TRIO: variants seen among roughly 807,000 people sequenced by gnomAD.
The protein encoded by TRIO is trio Rho guanine nucleotide exchange factor.
In TRIO, 58 loss-of-function variants were observed where a neutral mutation model predicts 351.9. The ratio of observed to expected loss-of-function variants is 0.16; its 90% CI spans 0.13 to 0.21. The LOEUF (loss-of-function observed/expected upper bound fraction) is 0.21, where lower values mean the gene tolerates loss of function less well. TRIO is among the 10% of genes least tolerant of loss of function. TRIO has a pLI of 1.00. For synonymous variants in TRIO, 1,758 were observed against 1,595.7 expected, an observed-to-expected ratio of 1.10 and a Z score of -2.42; for missense variants, 3,201 against 4,027.8, an observed-to-expected ratio of 0.79 and a Z score of 5.56.
intron 1 of TRIO, among the ~76,000 whole-genome samples, chr5:14,267,924 ACT>A (rs1393702276): frequency 3.3e-5 from 5 of 151,928 alleles, no homozygotes; most frequent in Admixed American, 6.6e-5. Context: ...AATAAAAGTA[ACT>A]CTTTTTCAGT....
At chr5:14,251,033 A>AT (rs1017637081) in intron 1 of TRIO, among the ~76,000 whole-genome samples, 1 of 151,822 alleles carries the variant, frequency 6.6e-6, no homozygotes, top group Non-Finnish European at 1.5e-5. Flanking sequence ...GATCCCCATT[A>AT]TTTTTTTCTT....
At position 14,262,257 on chromosome 5, in the gene TRIO, G is replaced by A. The variant is rs551449866; in HGVS notation, c.158-8568G>A. On this transcript the variant is annotated intron_variant, in intron 1 of 56. Transcript: ENST00000344204. ...GGGTGTTGTGGGAGTGCATCTTGGC[G>A]GTGTCTAGTTGAGCAGTGGGGACTC... 1.4e-4 allele frequency among the ~76,000 whole-genome samples: 21 copies of A among 152,198 alleles called. No homozygotes were observed. The South Asian group carries it at 3.1e-3, about 23-fold the overall frequency.
intron 1 of TRIO, among the ~76,000 whole-genome samples, chr5:14,221,767 A>T (rs1792641693): frequency 6.6e-6 from 1 of 152,038 alleles, no homozygotes; most frequent in African/African-American, 2.4e-5. Flanking sequence ...GTTTTTTGAG[A>T]TGGAATCTAC....
intron 1 of TRIO, among the ~76,000 whole-genome samples, chr5:14,223,225 T>C (rs1348234095): frequency 6.6e-6 from 1 of 152,230 alleles, no homozygotes; most frequent in African/African-American, 2.4e-5. Context: ...ATTCTATCTT[T>C]TGGAAAAATA....
At chr5:14,338,129 G>A (rs1003757562) in intron 11 of TRIO, among the ~76,000 whole-genome samples, 1 of 152,146 alleles carries the variant, frequency 6.6e-6, no homozygotes, top group Non-Finnish European at 1.5e-5. Context: ...ATTGTGAACC[G>A]AGCTTGTCTC....
At chr5:14,380,016 T>G (rs1745929495) in intron 20 of TRIO, among the ~76,000 whole-genome samples, 1 of 152,168 alleles carries the variant, frequency 6.6e-6, no homozygotes, top group East Asian at 1.9e-4. Context: ...TCATTGCCTT[T>G]CTTGGCGCTC....
chr5:14,263,213 A>G (rs1481657384), intron 1 of TRIO, among the ~76,000 whole-genome samples: 1 of 152,154 alleles, frequency 6.6e-6, no homozygotes. Context: ...TTTCCCAAAC[A>G]GGCTAAGGTC....
chr5:14,385,267 C>T (rs776931977), intron 21 of TRIO, among the ~76,000 whole-genome samples: 1 of 152,226 alleles, frequency 6.6e-6, no homozygotes, highest in Admixed American at 6.5e-5. Context: ...CACTCAGGCA[C>T]GTGTCTAACC....
chr5:14,207,788 G>A (rs1418904439), intron 1 of TRIO, among the ~76,000 whole-genome samples: 1 of 151,880 alleles, frequency 6.6e-6, no homozygotes, highest in Non-Finnish European at 1.5e-5. Flanking sequence ...ATCCAATAAA[G>A]GATTTTTAAT....
intron 1 of TRIO, among the ~76,000 whole-genome samples, chr5:14,242,719 C>T (rs1266689910): frequency 6.6e-6 from 1 of 152,176 alleles, no homozygotes; most frequent in African/African-American, 2.4e-5. Flanking sequence ...GGACTGCAGG[C>T]GTGCCACCAT....
chr5:14,467,063 T>C (rs906920821), intron 37 of TRIO, among the ~76,000 whole-genome samples: 6 of 152,208 alleles, frequency 3.9e-5, no homozygotes, highest in African/African-American at 1.4e-4. Flanking sequence ...ACACAGAACA[T>C]TTAAAAACTT....
At chr5:14,336,860 C>G (rs1741464147) in intron 11 of TRIO, 133 bp downstream of exon 11, 6 of 911,212 alleles carry the variant, frequency 6.6e-6, no homozygotes, top group Non-Finnish European at 1.0e-5. Context: ...CCCATTAGTG[C>G]TGAGTGTGTC....
chr5:14,367,750 T>G (rs1351314044), intron 16 of TRIO, among the ~76,000 whole-genome samples: 1 of 152,204 alleles, frequency 6.6e-6, no homozygotes, highest in African/African-American at 2.4e-5. Context: ...AGAAGAAAGC[T>G]ACAGAAGTTG....
At chr5:14,414,826 G>A (rs1336143848) in intron 33 of TRIO, among the ~76,000 whole-genome samples, 1 of 152,150 alleles carries the variant, frequency 6.6e-6, no homozygotes, top group South Asian at 2.1e-4. Context: ...AGCACGGAGG[G>A]CCTGTTGTTC....
intron 1 of TRIO, among the ~76,000 whole-genome samples, chr5:14,204,806 G>T (rs1791356111): frequency 6.6e-6 from 1 of 152,154 alleles, no homozygotes; most frequent in Non-Finnish European, 1.5e-5. Flanking sequence ...CTTTGACTCT[G>T]TTTCCTCACT....
chr5:14,222,190 A>G (rs1390597590), intron 1 of TRIO, among the ~76,000 whole-genome samples: 1 of 144,510 alleles, frequency 6.9e-6, no homozygotes, highest in Non-Finnish European at 1.5e-5. Flanking sequence ...AGGTGTGTTC[A>G]TTTTTAAAGA....
At chr5:14,300,338 A>G (rs1561310297) in intron 7 of TRIO, among the ~76,000 whole-genome samples, 2 of 152,250 alleles carry the variant, frequency 1.3e-5, no homozygotes, top group South Asian at 2.1e-4. Flanking sequence ...ATGTGTGGCT[A>G]TTGAAGCTAC....
intron 48 of TRIO, among the ~76,000 whole-genome samples, chr5:14,491,140 G>T (rs1330557903): frequency 6.6e-6 from 1 of 152,210 alleles, no homozygotes; most frequent in Non-Finnish European, 1.5e-5. Flanking sequence ...ATTCCCAGTG[G>T]CTGGCTTGTT....
chr5:14,252,309 G>C (rs1292097263), intron 1 of TRIO, among the ~76,000 whole-genome samples: 1 of 152,100 alleles, frequency 6.6e-6, no homozygotes, highest in Non-Finnish European at 1.5e-5. Flanking sequence ...TGGCCTCACC[G>C]AGCACCTGGC....
Sources: gnomAD v4.1 joint callset for allele counts (sites outside exome capture counted in the v4.1 genomes callset) on GRCh38, gnomAD v4.1.1 for gene constraint, MANE v1.5 for transcripts, NCBI Gene and HGNC (gene_info 2026-07-23, HGNC 2026-07-21) for gene names.